Variants in DCAF1 observed in about 807,000 individuals in gnomAD.
DCAF1 encodes DDB1- and CUL4-associated factor 1.
Under a neutral mutation model 128.0 loss-of-function variants are expected in DCAF1, and 15 were observed. The observed-to-expected ratio is 0.12, with a 90% confidence interval of 0.08 to 0.18. The LOEUF (loss-of-function observed/expected upper bound fraction) is 0.18. Among genes scored for constraint, DCAF1 ranks in the 10% least tolerant of loss-of-function variants. DCAF1 has a pLI of 1.00. For missense variants in DCAF1, 988 were observed against 1,649.5 expected (o/e 0.60, Z 6.95); for synonymous variants, 610 against 603.0 (o/e 1.01, Z -0.17).
intron 2 of DCAF1, among the ~76,000 whole-genome samples, chr3:51,487,029 A>G (rs1707053252): frequency 6.6e-6 from 1 of 151,348 alleles, no homozygotes; most frequent in Admixed American, 6.6e-5. Context: ...GTGCAGTGGC[A>G]CAATCTCAGC....
chr3:51,407,027 C>G (rs1268021530), intron 23 of DCAF1, among the ~76,000 whole-genome samples: 9 of 152,176 alleles, frequency 5.9e-5, no homozygotes, highest in Admixed American at 5.2e-4. Flanking sequence ...AACCTCGTCT[C>G]TACTAAAATA....
At chr3:51,495,123 G>A (rs1359007053) in intron 2 of DCAF1, among the ~76,000 whole-genome samples, 2 of 151,918 alleles carry the variant, frequency 1.3e-5, no homozygotes, top group African/African-American at 2.4e-5. Context: ...AGGAGCTCGA[G>A]ACCAGCCTGG....
rs1235209110 is a variant in DCAF1, at chr3:51,499,982, C to T, written c.-165G>A. The T allele has an allele frequency of 2.0e-5, 3 of 150,412 alleles. No individual in the cohort carries two copies. Among genetic ancestry groups the T allele is most frequent in the African/African-American group, 2.5e-5 (1 of 40,782 alleles). The allele number at this position is 150,412 out of a possible 1,614,324, so 9.3% of individuals were successfully genotyped here. On this transcript the variant is annotated 5_prime_UTR_variant, in exon 1 of 25. Transcript: ENST00000684031. ...ACTCTCCACTCACACACACACACAG[C>T]GCGACCACGGCTCCACAGCGGCCCA...
At chr3:51,411,246 T>C (rs1553628348) in intron 23 of DCAF1, among the ~76,000 whole-genome samples, 1 of 151,498 alleles carries the variant, frequency 6.6e-6, no homozygotes. Flanking sequence ...ACCCAAGAAC[T>C]GGGGAAGAAA....
At chr3:51,443,664 G>A (rs1168127186) in intron 7 of DCAF1, 102 bp downstream of exon 7, 3 of 1,064,750 alleles carry the variant, frequency 2.8e-6, no homozygotes, top group Non-Finnish European at 2.5e-6. Context: ...CCATGCTCCA[G>A]TACAAGATAA....
chr3:51,455,928 G>A lies in DCAF1; in HGVS notation c.375+7186C>T, dbSNP rs887979130. 9.9e-5 allele frequency among the ~76,000 whole-genome samples: 15 copies of A among 152,016 alleles called. 1 individual carries two copies. The highest frequency in any genetic ancestry group is 4.1e-4 in the South Asian group (2 of 4,822). On this transcript the variant is annotated intron_variant, in intron 6 of 24. Coordinates refer to ENST00000684031, the MANE Select transcript of DCAF1 (RefSeq NM_001387579.1). ...AAGAAAAAAAAAAGATCCGGGGGAGGAGCCAAGATGGCCGAATAGGAACAG... is the reference window on the plus strand; with the variant it reads ...AAGAAAAAAAAAAGATCCGGGGGAGAAGCCAAGATGGCCGAATAGGAACAG...
rs1698588367 is a variant in DCAF1 at position 51,413,223 on chromosome 3, C to T, written c.4036+59G>A. Reference sequence around the variant, plus strand: ...TACAGGCCTCCAGAAAATGAAGGATCTTAAATAAGGAACACCAAAACACGA... The same window carrying T: ...TACAGGCCTCCAGAAAATGAAGGATTTTAAATAAGGAACACCAAAACACGA... On this transcript the variant is annotated intron_variant, in intron 21 of 24. Transcript: ENST00000684031. 1.9e-6 allele frequency: 3 copies of T among 1,567,472 alleles called. No homozygotes were observed. The East Asian group carries it at 6.9e-5, about 36-fold the overall frequency.
intron 2 of DCAF1, among the ~76,000 whole-genome samples, chr3:51,487,994 A>C (rs2108484118): frequency 6.6e-6 from 1 of 152,102 alleles, no homozygotes; most frequent in East Asian, 1.9e-4. Flanking sequence ...CTTCCCGAAT[A>C]GCTGGGGCTA....
At chr3:51,436,152 A>G (rs1432570681) in intron 9 of DCAF1, among the ~76,000 whole-genome samples, 6 of 152,240 alleles carry the variant, frequency 3.9e-5, no homozygotes, top group African/African-American at 1.4e-4. Flanking sequence ...ATCTACCAGA[A>G]AATTCACCCC....
intron 3 of DCAF1, among the ~76,000 whole-genome samples, chr3:51,477,497 G>A (rs1384326659): frequency 2.6e-5 from 4 of 151,774 alleles, no homozygotes; most frequent in African/African-American, 7.3e-5. Context: ...AGTGGAGCAT[G>A]GTAGCATGCA....
At chr3:51,467,563 G>C (rs1553646937) in intron 4 of DCAF1, among the ~76,000 whole-genome samples, 1 of 152,014 alleles carries the variant, frequency 6.6e-6, no homozygotes, top group African/African-American at 2.4e-5. Flanking sequence ...ACGAGTTAAT[G>C]GGTGCAGCAC....
intron 3 of DCAF1, among the ~76,000 whole-genome samples, chr3:51,477,592 A>G (rs570416229): frequency 2.2e-3 from 340 of 151,816 alleles, no homozygotes; most frequent in Non-Finnish European, 3.5e-3. Flanking sequence ...ACAACACTGT[A>G]CTCCAGCCTT....
At chr3:51,458,328 T>A (rs1553643501) in intron 6 of DCAF1, among the ~76,000 whole-genome samples, 1 of 152,102 alleles carries the variant, frequency 6.6e-6, no homozygotes, top group African/African-American at 2.4e-5. Flanking sequence ...GGCCATTACA[T>A]AATGGTAAAG....
chr3:51,464,809 GAGA>G (rs1368468516), intron 5 of DCAF1, among the ~76,000 whole-genome samples: 4 of 152,172 alleles, frequency 2.6e-5, no homozygotes, highest in African/African-American at 9.7e-5. Flanking sequence ...GAAGGCTTAA[GAGA>G]AGAAGTGATT....
In DCAF1 at chr3:51,410,768, A is replaced by T. The variant is rs189430352; in HGVS notation, c.4212+1611T>A. Among the ~76,000 whole-genome samples the T allele has an allele frequency of 3.3e-5, 5 of 152,392 alleles. No homozygotes were observed. In the East Asian group the frequency reaches 9.6e-4, roughly 29 times the overall value. On this transcript the variant is annotated intron_variant, in intron 23 of 24. Transcript: ENST00000684031. ...TCAAAAAGTAGGGAAGGATGAGGGC[A>T]AGAGAGCTGTGGCAATGCAAACTGA... is the stretch of plus-strand genomic sequence containing the variant.
chr3:51,499,332 G>A (rs1412788708), intron 1 of DCAF1, among the ~76,000 whole-genome samples: 1 of 152,180 alleles, frequency 6.6e-6, no homozygotes, highest in African/African-American at 2.4e-5. Flanking sequence ...AGGAGCGCCC[G>A]GAAAGCTCCG....
chr3:51,413,362 T>C lies in DCAF1; in HGVS notation c.3956A>G (p.Asp1319Gly). The C allele has an allele frequency of 6.2e-7, 1 of 1,613,264 alleles. No individual in the cohort carries two copies. Residue 1319 changes from aspartate to glycine, a missense_variant, in exon 21 of 25, where the codon GAT becomes GGT. Around this residue, in one of 11 missense-constraint regions of DCAF1, gnomAD observed 85 missense variants for 204.6 expected, o/e 0.42. Coordinates refer to ENST00000684031, the MANE Select transcript of DCAF1 (RefSeq NM_001387579.1). ...YGAMLQADDE[D>G]DLMEERMKSP... is the part of the protein sequence containing the mutation. ...TTTCATCCTCTCTTCCATTAAGTCATCTTCATCATCTGCCTGCAACATAGC... is the reference window on the plus strand; with the variant it reads ...TTTCATCCTCTCTTCCATTAAGTCACCTTCATCATCTGCCTGCAACATAGC...
At chr3:51,443,698 T>C in intron 7 of DCAF1, 68 bp downstream of exon 7, 1 of 1,395,614 alleles carries the variant, frequency 7.2e-7, no homozygotes, top group Non-Finnish European at 9.5e-7. Flanking sequence ...CTTATTCAGA[T>C]TCAAGTAACA....
intron 10 of DCAF1, among the ~76,000 whole-genome samples, chr3:51,431,477 G>A (rs1044175320): frequency 2.7e-4 from 39 of 143,454 alleles, no homozygotes; most frequent in Non-Finnish European, 4.2e-4. Context: ...CTGAGATCCC[G>A]CCTCTGCACT....
Sources: allele counts gnomAD v4.1 joint callset (sites outside exome capture counted in the v4.1 genomes callset), GRCh38; gene constraint gnomAD v4.1.1; regional missense constraint gnomAD v4.1.1; transcripts MANE v1.5; gene names NCBI Gene and HGNC (gene_info 2026-07-23, HGNC 2026-07-21).